TGFBI: variants seen among roughly 807,000 people sequenced by gnomAD.
TGFBI encodes transforming growth factor-beta-induced protein ig-h3.
A neutral mutation model predicts 73.7 loss-of-function variants in TGFBI; 50 were observed. The ratio of observed to expected loss-of-function variants is 0.68; its 90% CI spans 0.54 to 0.86. The LOEUF is 0.86. TGFBI is among the 40% of genes least tolerant of loss of function. TGFBI has a pLI of 0.00. For synonymous variants in TGFBI, 362 were observed against 360.5 expected (o/e 1.00, Z -0.05); for missense variants, 839 against 877.0 (o/e 0.96, Z 0.55).
chr5:136,049,666 A>G, intron 7 of TGFBI, 86 bp downstream of exon 7: 1 of 1,477,178 alleles, frequency 6.8e-7, no homozygotes, highest in East Asian at 2.5e-5. Flanking sequence ...TGAACATACC[A>G]CCTGCCATGA....
At position 136,055,921 on chromosome 5, in the gene TGFBI, A is replaced by G. The variant is rs532697615; in HGVS notation, c.1547+105A>G. 22 of 1,288,170 alleles carry G rather than the reference A, an allele frequency of 1.7e-5. No individual in the cohort carries two copies. The African/African-American group carries it at 1.8e-4, about 10-fold the overall frequency. The allele number at this position is 1,288,170 out of a possible 1,614,324, so 79.8% of individuals were successfully genotyped here. A position where few individuals can be genotyped will look rare whatever the true frequency, so the allele number is the denominator to read the frequency against. On this transcript the variant is annotated intron_variant, in intron 11 of 16. Transcript: ENST00000442011. Reference sequence around the variant, plus strand: ...AGCTTTCTTCTACCTTGGGGATTCAATTAACACTAGCAGTGCACTGCTGCG... The same window carrying G: ...AGCTTTCTTCTACCTTGGGGATTCAGTTAACACTAGCAGTGCACTGCTGCG...
At chr5:136,040,342 C>T (rs1267778155) in intron 2 of TGFBI, among the ~76,000 whole-genome samples, 1 of 152,194 alleles carries the variant, frequency 6.6e-6, no homozygotes, top group Non-Finnish European at 1.5e-5. Context: ...AGGAACCAGG[C>T]CACACAGCAG....
chr5:136,039,415 A>G (rs1319318578), intron 2 of TGFBI, among the ~76,000 whole-genome samples: 1 of 152,206 alleles, frequency 6.6e-6, no homozygotes, highest in East Asian at 1.9e-4. Flanking sequence ...GAGGTGAACA[A>G]GTGAGCAGGC....
chr5:136,047,000 C>A lies in TGFBI; in HGVS notation c.609C>A (p.His203Gln). 6.2e-7 allele frequency: 1 copy of A among 1,612,674 alleles called. No homozygotes were observed. The highest frequency in any genetic ancestry group is 8.5e-7 in the Non-Finnish European group (1 of 1,179,834). The stretch of plus-strand genomic sequence containing the variant: ...ACCAGAATTCCAACATCCAGATCCA[C>A]CACTATCCTAATGGGGTAGGGGATC... ...SMYQNSNIQI[H>Q]HYPNGIVTVN... is the part of the protein sequence containing the mutation. The change falls in exon 5 of 17, where the codon CAC becomes CAA. Residue 203 changes from histidine to glutamine, a missense_variant. Coordinates refer to ENST00000442011, the MANE Select transcript of TGFBI (RefSeq NM_000358.3).
chr5:136,032,989 AT>A (rs1751148865), intron 1 of TGFBI, among the ~76,000 whole-genome samples: 1 of 152,042 alleles, frequency 6.6e-6, no homozygotes, highest in Non-Finnish European at 1.5e-5. Flanking sequence ...GGGGAGCAGT[AT>A]TTTCAACAAG....
At chr5:136,055,420 A>G (rs193022383) in intron 10 of TGFBI, 292 of 369,090 alleles carry the variant, frequency 7.9e-4, no homozygotes, top group African/African-American at 5.5e-3. Context: ...AATGGACCTC[A>G]TGTGTAACTG....
intron 13 of TGFBI, among the ~76,000 whole-genome samples, chr5:136,059,904 G>A (rs1288549241): frequency 6.6e-6 from 1 of 151,726 alleles, no homozygotes; most frequent in Non-Finnish European, 1.5e-5. Flanking sequence ...GGGATGACTT[G>A]TTTGACTTTA....
chr5:136,029,279 G>C, intron 1 of TGFBI, 90 bp downstream of exon 1: 1 of 1,337,758 alleles, frequency 7.5e-7, no homozygotes, highest in Non-Finnish European at 9.7e-7. Context: ...CTGGGCTGGG[G>C]GCGCAGGGGA....
intron 1 of TGFBI, among the ~76,000 whole-genome samples, chr5:136,031,304 G>A (rs1751116225): frequency 6.6e-6 from 1 of 152,240 alleles, no homozygotes; most frequent in Non-Finnish European, 1.5e-5. Flanking sequence ...AATGGATAAC[G>A]TTGTTCTAGC....
At position 136,053,953 on chromosome 5, in the gene TGFBI, A is replaced by G. The variant is rs1224097963; in HGVS notation, c.1137A>G (p.Leu379=). 1.2e-6 allele frequency: 2 copies of G among 1,613,976 alleles called. No individual in the cohort carries two copies. Among genetic ancestry groups the G allele is most frequent in the Non-Finnish European group, 8.5e-7 (1 of 1,179,838 alleles). The change falls in exon 9 of 17, where the codon CTA becomes CTG. Residue 379 remains leucine, a synonymous_variant. Coordinates refer to ENST00000442011, the MANE Select transcript of TGFBI (RefSeq NM_000358.3). ...ELLIPDSAKT[L]FELAAESDVS... ...TCTCCTTCCTTGTAGCCAAGACACTATTTGAATTGGCTGCAGAGTCTGATG... is the reference window on the plus strand; with the variant it reads ...TCTCCTTCCTTGTAGCCAAGACACTGTTTGAATTGGCTGCAGAGTCTGATG...
chr5:136,042,383 T>A (rs1751355175), intron 2 of TGFBI, among the ~76,000 whole-genome samples: 1 of 152,220 alleles, frequency 6.6e-6, no homozygotes, highest in Admixed American at 6.5e-5. Flanking sequence ...AGAAATGGAC[T>A]TTCAAGTTCA....
intron 2 of TGFBI, among the ~76,000 whole-genome samples, chr5:136,038,155 C>A (rs532173791): frequency 6.6e-6 from 1 of 152,258 alleles, no homozygotes; most frequent in Non-Finnish European, 1.5e-5. Flanking sequence ...GGGTTCTGTC[C>A]CATTCTGTAA....
chr5:136,042,761 C>A (rs982302903), intron 2 of TGFBI, among the ~76,000 whole-genome samples: 1 of 152,166 alleles, frequency 6.6e-6, no homozygotes, highest in South Asian at 2.1e-4. Flanking sequence ...AACTCCCTGG[C>A]CACCTGAGCA....
At chr5:136,047,229 G>A (rs776089216) in intron 5 of TGFBI, 45 bp from the exon 6 acceptor site, 5 of 1,606,520 alleles carry the variant, frequency 3.1e-6, no homozygotes, top group Non-Finnish European at 4.3e-6. Context: ...TTGGGACTAT[G>A]CCTCTGTTGT....
intron 6 of TGFBI, chr5:136,047,672 G>T: frequency 2.1e-6 from 1 of 487,378 alleles, no homozygotes; most frequent in Admixed American, 3.4e-5. Flanking sequence ...AGTGGTGTGT[G>T]GCTGCAGCAG....
At position 136,056,738 on chromosome 5, in the gene TGFBI, G is replaced by A. The variant is rs778550933; in HGVS notation, c.1621G>A (p.Ala541Thr). 21 of 1,613,802 alleles carry A rather than the reference G, an allele frequency of 1.3e-5. No homozygotes were observed. The African/African-American group carries it at 1.3e-4, about 10-fold the overall frequency. Residue 541 changes from alanine (A) to threonine (T), a missense_variant, in exon 12 of 17, where the codon GCT (alanine) becomes ACT (threonine). Transcript: ENST00000442011. ...LNREGVYTVF[A>T]PTNEAFRALP... ...CCGGGAAGGAGTCTACACAGTCTTT[G>A]CTCCCACAAATGAAGCCTTCCGAGC...
intron 14 of TGFBI, 75 bp from the exon 15 acceptor site, chr5:136,061,425 C>T: frequency 1.9e-6 from 2 of 1,061,692 alleles, no homozygotes; most frequent in Non-Finnish European, 2.9e-6. Context: ...CACCAGTGCC[C>T]CTCAGTCACG....
rs1480491452 is a variant in TGFBI, at chr5:136,029,136, G to C, written c.81G>C (p.Lys27Asn). ...GPAATLAGPA[K>N]SPYQLVLQHS... is the part of the protein sequence containing the mutation. Reference sequence around the variant, plus strand: ...CCGCGACCCTGGCGGGTCCCGCCAAGTCGCCCTACCAGCTGGTGCTGCAGC... The same window carrying C: ...CCGCGACCCTGGCGGGTCCCGCCAACTCGCCCTACCAGCTGGTGCTGCAGC... The change falls in exon 1 of 17, where the codon AAG becomes AAC. Residue 27 changes from lysine (K) to asparagine (N), a missense_variant. Physicochemically the swap from Lys to Asn is moderately conservative, Grantham distance 94. Coordinates refer to ENST00000442011, the MANE Select transcript of TGFBI (RefSeq NM_000358.3). The C allele has an allele frequency of 2.6e-6, 4 of 1,525,054 alleles. No individual in the cohort carries two copies. The highest frequency in any genetic ancestry group is 3.5e-6 in the Non-Finnish European group (4 of 1,143,094). 94.5% of individuals were successfully genotyped at this position (1,525,054 alleles called of 1,614,324 possible).
At chr5:136,052,880 C>T (rs750998092) in intron 7 of TGFBI, 27 bp from the exon 8 acceptor site, 2 of 1,608,892 alleles carry the variant, frequency 1.2e-6, no homozygotes, top group African/African-American at 1.3e-5. Flanking sequence ...TGGACCCTGA[C>T]TTGACCTGAG....
Sources: allele counts gnomAD v4.1 joint callset (sites outside exome capture counted in the v4.1 genomes callset), GRCh38; gene constraint gnomAD v4.1.1; transcripts MANE v1.5; gene names NCBI Gene and HGNC (gene_info 2026-07-23, HGNC 2026-07-21).